Variants in WFIKKN1 observed in about 807,000 individuals in gnomAD.
The protein encoded by WFIKKN1 is WAP, Kazal, immunoglobulin, Kunitz and NTR domain-containing protein 1.
A neutral mutation model predicts 4.6 loss-of-function variants in WFIKKN1; 6 were observed. That is an observed-to-expected ratio of 1.31 (90% CI 0.72 to 2.59). The LOEUF (loss-of-function observed/expected upper bound fraction) is 2.59. WFIKKN1 is among the 30% of genes most tolerant of loss of function. The probability of loss-of-function intolerance (pLI) is 0.00; values close to 1 mark genes in which losing one functional copy is unlikely to be tolerated. For synonymous variants in WFIKKN1, 468 were observed against 367.4 expected, an observed-to-expected ratio of 1.27 and a Z score of -3.13; for missense variants, 964 against 818.0, an observed-to-expected ratio of 1.18 and a Z score of -2.18.
In WFIKKN1 at chr16:632,659, C is replaced by T. The variant is rs750060775; in HGVS notation, c.249C>T (p.Ser83=). Residue 83 remains serine (S), a synonymous_variant, in exon 2 of 2, where the codon AGC becomes AGT. Transcript: ENST00000319070. ...HSCVAARFPG[S]PAAPTTAASC... ...GCGTGGCAGCACGCTTCCCCGGCAG[C>T]CCAGCTGCGCCGACGACAGCGGCCT... 2 of 1,601,992 alleles carry T rather than the reference C, an allele frequency of 1.2e-6. No individual in the cohort carries two copies. The highest frequency in any genetic ancestry group is 1.7e-6 in the Non-Finnish European group (2 of 1,174,282).
rs573223486 is a variant in WFIKKN1 at position 633,176 on chromosome 16, G to C, written c.766G>C (p.Glu256Gln). Residue 256 changes from glutamate to glutamine, a missense_variant, in exon 2 of 2, where the codon GAA becomes CAA. Physicochemically the swap from Glu to Gln is conservative, Grantham distance 29. Coordinates refer to ENST00000319070, the MANE Select transcript of WFIKKN1 (RefSeq NM_053284.3). The stretch of plus-strand genomic sequence containing the variant: ...GCTGGTGCTCTACAACGCGCGGCCC[G>C]AAGACGCCGGCCTGTACACCTGCAC... ...GQLVLYNARPEDAGLYTCTAR... is the reference protein window; with the variant it reads ...GQLVLYNARPQDAGLYTCTAR... The C allele has an allele frequency of 6.3e-6, 10 of 1,595,350 alleles. No individual in the cohort carries two copies. The highest frequency in any genetic ancestry group is 8.6e-6 in the Non-Finnish European group (10 of 1,169,072).
At chr16:631,456 CA>C (rs1170774428) in intron 1 of WFIKKN1, 32 bp downstream of exon 1, 1 of 1,592,830 alleles carries the variant, frequency 6.3e-7, no homozygotes, top group Non-Finnish European at 8.5e-7. Context: ...TCCTGGGGCT[CA>C]GAGCAGCCAG....
In WFIKKN1 at chr16:632,670, C is replaced by T. The variant is rs144565157; in HGVS notation, c.260C>T (p.Pro87Leu). 96 of 1,604,756 alleles carry T rather than the reference C, an allele frequency of 6.0e-5. No homozygotes were observed. The highest frequency in any genetic ancestry group is 5.6e-4 in the African/African-American group (42 of 74,812). ...AARFPGSPAA[P>L]TTAASCEGFV... ...CGCTTCCCCGGCAGCCCAGCTGCGC[C>T]GACGACAGCGGCCTCCTGCGAGGGC... is the stretch of plus-strand genomic sequence containing the variant. Residue 87 changes from proline to leucine, a missense_variant, in exon 2 of 2, where the codon CCG becomes CTG. Pro to Leu is a moderately conservative substitution (Grantham distance 98, BLOSUM62 -3). Transcript: ENST00000319070.
At position 633,388 on chromosome 16, in the gene WFIKKN1, C is replaced by T. The variant is rs1278651688; in HGVS notation, c.978C>T (p.Cys326=). The change falls in exon 2 of 2, where the codon TGC becomes TGT. Residue 326 remains cysteine (C), a synonymous_variant. Transcript: ENST00000319070. ...LWHYDPQRGG[C]MTFPARGCDG... is the part of the protein sequence containing the mutation. ...ACTACGACCCGCAGCGGGGCGGCTG[C>T]ATGACCTTCCCGGCCCGTGGCTGTG... 1.3e-6 allele frequency: 2 copies of T among 1,564,946 alleles called. No individual in the cohort carries two copies. The highest frequency in any genetic ancestry group is 1.4e-5 in the African/African-American group (1 of 73,116).
rs780040390 is a variant in WFIKKN1 at position 633,151 on chromosome 16, G to C, written c.741G>C (p.Gln247His). The stretch of plus-strand genomic sequence containing the variant: ...ACGTGGTGGTCACCAGCATCGGGCA[G>C]CTGGTGCTCTACAACGCGCGGCCCG... ...YGNVVVTSIGQLVLYNARPED... is the reference protein window; with the variant it reads ...YGNVVVTSIGHLVLYNARPED... The change falls in exon 2 of 2, where the codon CAG (glutamine) becomes CAC (histidine). Residue 247 changes from glutamine to histidine, a missense_variant. Physicochemically the swap from Gln to His is conservative, Grantham distance 24. Transcript: ENST00000319070. The C allele has an allele frequency of 2.2e-5, 35 of 1,604,572 alleles. No homozygotes were observed. Among genetic ancestry groups the C allele is most frequent in the Admixed American group, 1.7e-4 (10 of 59,628 alleles).
intron 1 of WFIKKN1, 66 bp from the exon 2 acceptor site, chr16:632,515 AG>A (rs1428146793): frequency 2.1e-6 from 3 of 1,400,370 alleles, no homozygotes; most frequent in Non-Finnish European, 2.8e-6. Flanking sequence ...CTCCCCTTGC[AG>A]GGGCCAGGCC....
chr16:631,198 G>A lies in WFIKKN1; in HGVS notation c.-56G>A. 2.0e-6 allele frequency: 3 copies of A among 1,508,164 alleles called. No homozygotes were observed. The highest frequency in any genetic ancestry group is 2.6e-6 in the Non-Finnish European group (3 of 1,132,896). 93.4% of individuals were successfully genotyped at this position (1,508,164 alleles called of 1,614,324 possible). A position where few individuals can be genotyped will look rare whatever the true frequency, so the allele number is the denominator to read the frequency against. On this transcript the variant is annotated 5_prime_UTR_variant, in exon 1 of 2. An upstream open reading frame in the 5' UTR gains an earlier in-frame stop. Coordinates refer to ENST00000319070, the MANE Select transcript of WFIKKN1 (RefSeq NM_053284.3). ...TGCCTGCAGGAAGCTGGGCTCTGTGGAGCCCGAGGAGGGGCTGGTGGCCAC... is the reference window on the plus strand; with the variant it reads ...TGCCTGCAGGAAGCTGGGCTCTGTGAAGCCCGAGGAGGGGCTGGTGGCCAC...
rs773562235 is a variant in WFIKKN1, at chr16:633,889, C to CA, written c.1480dup (p.Met494AsnfsTer13). The CA allele has an allele frequency of 3.8e-6, 6 of 1,595,662 alleles. No individual in the cohort carries two copies. In the South Asian group the frequency reaches 6.8e-5, roughly 18 times the overall value. ...TGGACTGGGCCTGCCCCTGCCCCAACATGACGGCGGGCGACGGGCCGCTGG... is the reference window on the plus strand; with the variant it reads ...TGGACTGGGCCTGCCCCTGCCCCAACAATGACGGCGGGCGACGGGCCGCTGG... On this transcript the variant is annotated frameshift_variant, in exon 2 of 2. Coordinates refer to ENST00000319070, the MANE Select transcript of WFIKKN1 (RefSeq NM_053284.3). LOFTEE classifies it low-confidence loss of function (END_TRUNC).
chr16:633,383 G>A lies in WFIKKN1; in HGVS notation c.973G>A (p.Gly325Ser), dbSNP rs1356842902. ...CTGGCACTACGACCCGCAGCGGGGCGGCTGCATGACCTTCCCGGCCCGTGG... is the reference window on the plus strand; with the variant it reads ...CTGGCACTACGACCCGCAGCGGGGCAGCTGCATGACCTTCCCGGCCCGTGG... ...VLWHYDPQRG[G>S]CMTFPARGCD... Residue 325 changes from glycine (G) to serine (S), a missense_variant, in exon 2 of 2, where the codon GGC becomes AGC. Coordinates refer to ENST00000319070, the MANE Select transcript of WFIKKN1 (RefSeq NM_053284.3). The A allele has an allele frequency of 8.3e-6, 13 of 1,564,780 alleles. No individual in the cohort carries two copies. In the East Asian group the frequency reaches 9.2e-5, roughly 11 times the overall value.
chr16:633,017 G>T lies in WFIKKN1; in HGVS notation c.607G>T (p.Ala203Ser). 6.2e-7 allele frequency: 1 copy of T among 1,608,054 alleles called. No individual in the cohort carries two copies. The highest frequency in any genetic ancestry group is 8.5e-7 in the Non-Finnish European group (1 of 1,177,454). The change falls in exon 2 of 2, where the codon GCC becomes TCC. Residue 203 changes from alanine (A) to serine (S), a missense_variant. Coordinates refer to ENST00000319070, the MANE Select transcript of WFIKKN1 (RefSeq NM_053284.3). ...SPQAVQVGGTASLHCDVSGRP... is the reference protein window; with the variant it reads ...SPQAVQVGGTSSLHCDVSGRP... ...ACAGGCGGTGCAGGTTGGGGGTACG[G>T]CCAGCCTCCACTGCGACGTCAGCGG...
At chr16:631,509 C>T in intron 1 of WFIKKN1, 85 bp downstream of exon 1, 1 of 1,516,882 alleles carries the variant, frequency 6.6e-7, no homozygotes, top group South Asian at 1.2e-5. Context: ...TCTGCCTGGG[C>T]TCCCCAGACT....
Position 631,160 on chromosome 16 carries a change from C to T in WFIKKN1, c.-94C>T, listed in dbSNP as rs576971241. 99 of 1,407,756 alleles carry T rather than the reference C, an allele frequency of 7.0e-5. No individual in the cohort carries two copies. In the East Asian group the frequency reaches 2.2e-3, roughly 31 times the overall value. 87.2% of individuals were successfully genotyped at this position (1,407,756 alleles called of 1,614,324 possible). A position where few individuals can be genotyped will look rare whatever the true frequency, so the allele number is the denominator to read the frequency against. On this transcript the variant is annotated 5_prime_UTR_variant, in exon 1 of 2. Transcript: ENST00000319070. ...TCCTGGTGGGGGCACCGACCACAGG[C>T]CCGGAGGGTGGATGCCTGCAGGAAG... is the stretch of plus-strand genomic sequence containing the variant.
Position 632,983 on chromosome 16 carries a change from C to T in WFIKKN1, c.573C>T (p.Ser191=). The change falls in exon 2 of 2, where the codon AGC becomes AGT. Residue 191 remains serine, a synonymous_variant. Coordinates refer to ENST00000319070, the MANE Select transcript of WFIKKN1 (RefSeq NM_053284.3). ...AAPVPPALYS[S]PSPQAVQVGG... is the part of the protein sequence containing the mutation. Reference sequence around the variant, plus strand: ...CCGTGCCTCCTGCCCTGTACAGCAGCCCCTCCCCACAGGCGGTGCAGGTTG... The same window carrying T: ...CCGTGCCTCCTGCCCTGTACAGCAGTCCCTCCCCACAGGCGGTGCAGGTTG... 2 of 1,595,072 alleles carry T rather than the reference C, an allele frequency of 1.3e-6. No individual in the cohort carries two copies. Among genetic ancestry groups the T allele is most frequent in the Admixed American group, 3.4e-5 (2 of 58,806 alleles).
In WFIKKN1 at chr16:632,870, A is replaced by C; in HGVS notation, c.460A>C (p.Ile154Leu). ...CTGCCTGCGGGGCCTGCACCTCCAC[A>C]TCGTGCCCTGCAAGCACGTGCTCAG... ...EACLRGLHLH[I>L]VPCKHVLSWP... The change falls in exon 2 of 2, where the codon ATC becomes CTC. Residue 154 changes from isoleucine (I) to leucine (L), a missense_variant. Coordinates refer to ENST00000319070, the MANE Select transcript of WFIKKN1 (RefSeq NM_053284.3). The C allele has an allele frequency of 6.3e-7, 1 of 1,575,290 alleles. No individual in the cohort carries two copies. The highest frequency in any genetic ancestry group is 8.6e-7 in the Non-Finnish European group (1 of 1,158,912).
rs766016577 is a variant in WFIKKN1 at position 632,759 on chromosome 16, C to A, written c.349C>A (p.Arg117Ser). The change falls in exon 2 of 2, where the codon CGC becomes AGC. Residue 117 changes from arginine to serine, a missense_variant. By Grantham distance (110) the Arg-to-Ser change is moderately radical. Coordinates refer to ENST00000319070, the MANE Select transcript of WFIKKN1 (RefSeq NM_053284.3). ...IWDGQPVCRC[R>S]DRCEKEPSFT... The stretch of plus-strand genomic sequence containing the variant: ...GGACGGGCAGCCCGTGTGCCGCTGC[C>A]GCGACCGCTGTGAGAAGGAGCCCAG... 1.2e-6 allele frequency: 2 copies of A among 1,608,356 alleles called. No homozygotes were observed. Among genetic ancestry groups the A allele is most frequent in the African/African-American group, 2.7e-5 (2 of 74,760 alleles).
In WFIKKN1 at chr16:631,126, G is replaced by GC; in HGVS notation, c.-124dup. On this transcript the variant is annotated 5_prime_UTR_variant, in exon 1 of 2. Transcript: ENST00000319070. ...GCTTCAGCCTCAGGGGCAAAAGGGA[G>GC]CCCCGGGGTCCTGGTGGGGGCACCG... 1 of 1,119,236 alleles carries GC rather than the reference G, an allele frequency of 8.9e-7. No homozygotes were observed. Among genetic ancestry groups the GC allele is most frequent in the Non-Finnish European group, 1.2e-6 (1 of 817,108 alleles). The allele number at this position is 1,119,236 out of a possible 1,614,324, so 69.3% of individuals were successfully genotyped here. A position where few individuals can be genotyped will look rare whatever the true frequency, so the allele number is the denominator to read the frequency against.
intron 1 of WFIKKN1, 55 bp downstream of exon 1, chr16:631,479 C>A: frequency 6.3e-7 from 1 of 1,575,256 alleles, no homozygotes. Context: ...CTGGGCAAGA[C>A]CCTGCTGGAG....
Position 631,232 on chromosome 16 carries a change from G to C in WFIKKN1, c.-22G>C. The C allele has an allele frequency of 1.3e-6, 2 of 1,542,842 alleles. No individual in the cohort carries two copies. Among genetic ancestry groups the C allele is most frequent in the Non-Finnish European group, 1.7e-6 (2 of 1,151,452 alleles). Reference sequence around the variant, plus strand: ...GAGGGGCTGGTGGCCACACCCCCCGGCCCCCTGGCTCGGCGGCCCTCATGC... The same window carrying C: ...GAGGGGCTGGTGGCCACACCCCCCGCCCCCCTGGCTCGGCGGCCCTCATGC... On this transcript the variant is annotated 5_prime_UTR_variant, in exon 1 of 2. Coordinates refer to ENST00000319070, the MANE Select transcript of WFIKKN1 (RefSeq NM_053284.3).
intron 1 of WFIKKN1, 77 bp downstream of exon 1, chr16:631,501 T>C: frequency 6.5e-7 from 1 of 1,535,530 alleles, no homozygotes; most frequent in Admixed American, 2.1e-5. Context: ...TGCCACCTTC[T>C]GCCTGGGCTC....
Sources: gnomAD v4.1 joint callset for allele counts on GRCh38, gnomAD v4.1.1 for gene constraint, MANE v1.5 for transcripts, NCBI Gene and HGNC (gene_info 2026-07-23, HGNC 2026-07-21) for gene names.